Variants in IL3RA observed in about 807,000 individuals in gnomAD.
The protein encoded by IL3RA is interleukin 3 receptor subunit alpha.
A neutral mutation model predicts 52.3 loss-of-function variants in IL3RA; 73 were observed. The ratio of observed to expected loss-of-function variants is 1.40; its 90% CI spans 1.16 to 1.70. IL3RA has a LOEUF of 1.70. Ranked by LOEUF, IL3RA falls within the 40% of genes most tolerant of loss-of-function variation. The probability of loss-of-function intolerance (pLI) is 0.00; values close to 1 mark genes in which losing one functional copy is unlikely to be tolerated. For synonymous variants in IL3RA, 260 were observed against 194.0 expected, an observed-to-expected ratio of 1.34 and a Z score of -2.83; for missense variants, 664 against 504.4, an observed-to-expected ratio of 1.32 and a Z score of -3.03.
intron 6 of IL3RA, among the ~76,000 whole-genome samples, chrX:1,354,181 C>G (rs1166604862): frequency 2.0e-5 from 3 of 152,102 alleles, no homozygotes; most frequent in African/African-American, 4.8e-5. Context: ...ACGGGAGCCC[C>G]CATCATGGGG....
intron 8 of IL3RA, among the ~76,000 whole-genome samples, chrX:1,359,638 A>C (rs748222849): frequency 1.0e-3 from 85 of 85,082 alleles, no homozygotes; most frequent in African/African-American, 3.2e-3. Flanking sequence ...CCCTCTCTCT[A>C]TCTTTCTCTC....
chrX:1,381,250 T>C (rs1430247542), intron 11 of IL3RA, 146 bp downstream of exon 11: 2 of 736,402 alleles, frequency 2.7e-6, no homozygotes, highest in Non-Finnish European at 4.8e-6. Flanking sequence ...AATACAAAAT[T>C]AGCCGGGTGT....
chrX:1,382,405 G>T lies in IL3RA; in HGVS notation c.1077G>T (p.Ala359=), dbSNP rs536850887. The stretch of plus-strand genomic sequence containing the variant: ...CGTCTCTGCAGGTGGTCTGGGAGGC[G>T]GGCAAAGCCGGCCTGGAGGAGTGTC... The part of the protein sequence containing the change: ...FQNDKLVVWE[A]GKAGLEECLV... The change falls in exon 12 of 12, where the codon GCG becomes GCT. Residue 359 remains alanine (A), a synonymous_variant. Transcript: ENST00000331035. 1.4e-5 allele frequency: 23 copies of T among 1,613,736 alleles called. No individual in the cohort carries two copies. The African/African-American group carries it at 2.0e-4, about 14-fold the overall frequency.
chrX:1,381,290 C>T (rs766007433), intron 11 of IL3RA, among the ~76,000 whole-genome samples, 186 bp downstream of exon 11: 122 of 152,114 alleles, frequency 8.0e-4, no homozygotes, highest in African/African-American at 2.8e-3. Context: ...CCCAGCTACT[C>T]GGGAGGCTGA....
At chrX:1,367,864 C>T (rs1164350323) in intron 9 of IL3RA, among the ~76,000 whole-genome samples, 3 of 151,448 alleles carry the variant, frequency 2.0e-5, no homozygotes, top group African/African-American at 2.4e-5. Flanking sequence ...CACTCCTCTC[C>T]TGCAAAGGAG....
chrX:1,338,278 A>C (rs1363183594), intron 1 of IL3RA, among the ~76,000 whole-genome samples: 2 of 151,588 alleles, frequency 1.3e-5, no homozygotes. Flanking sequence ...ATGTCCATCC[A>C]CACAGTGGAA....
At chrX:1,365,094 C>T (rs774125893) in intron 8 of IL3RA, 44 bp from the exon 9 acceptor site, 6 of 1,444,156 alleles carry the variant, frequency 4.2e-6, no homozygotes, top group Non-Finnish European at 4.9e-6. Context: ...GAGTCATGAG[C>T]CACCATACCT....
At chrX:1,338,603 A>G (rs1220263555) in intron 1 of IL3RA, among the ~76,000 whole-genome samples, 1 of 152,242 alleles carries the variant, frequency 6.6e-6, no homozygotes, top group African/African-American at 2.4e-5. Flanking sequence ...TGAGGACATC[A>G]TGCTTCCTGA....
chrX:1,344,069 C>T (rs1281896004), intron 2 of IL3RA, among the ~76,000 whole-genome samples: 9 of 152,032 alleles, frequency 5.9e-5, no homozygotes, highest in African/African-American at 1.7e-4. Context: ...GCTGGGATGA[C>T]GGGCGTGAGC....
At chrX:1,345,265 G>A (rs369243469) in intron 2 of IL3RA, 51 bp from the exon 3 acceptor site, 55 of 1,287,702 alleles carry the variant, frequency 4.3e-5, no homozygotes, top group East Asian at 9.4e-5. Context: ...TTACAATGCC[G>A]TTTTAAGATT....
intron 4 of IL3RA, 98 bp downstream of exon 4, chrX:1,348,643 T>G: frequency 3.6e-6 from 2 of 554,066 alleles, no homozygotes; most frequent in East Asian, 5.9e-5. Flanking sequence ...CTTTTCTTTT[T>G]CTCTTTCTTT....
At chrX:1,364,175 G>A (rs187170667) in intron 8 of IL3RA, among the ~76,000 whole-genome samples, 3,230 of 142,114 alleles carry the variant, frequency 0.023, 92 homozygotes, top group East Asian at 0.17. Context: ...GGGACAGAGT[G>A]AGACTCCATC....
At chrX:1,346,313 C>A (rs1167237674) in intron 3 of IL3RA, among the ~76,000 whole-genome samples, 1 of 151,770 alleles carries the variant, frequency 6.6e-6, no homozygotes, top group Non-Finnish European at 1.5e-5. Flanking sequence ...GTGGTGGGCG[C>A]CTGTAATCCC....
chrX:1,358,654 G>T lies in IL3RA; in HGVS notation c.733-207G>T, dbSNP rs772018130. Among the ~76,000 whole-genome samples, 12 of 152,196 alleles carry T rather than the reference G, an allele frequency of 7.9e-5. No homozygotes were observed. The South Asian group carries it at 2.5e-3, about 32-fold the overall frequency. On this transcript the variant is annotated intron_variant, in intron 7 of 11. Coordinates refer to ENST00000331035, the MANE Select transcript of IL3RA (RefSeq NM_002183.4). ...AGCCTGGGTGACGGAGTGAGACTCC[G>T]TCTCATAAATAAATAAACAAACAAA...
intron 10 of IL3RA, 92 bp downstream of exon 10, chrX:1,378,856 T>G: frequency 6.6e-6 from 8 of 1,207,838 alleles, no homozygotes; most frequent in Non-Finnish European, 9.6e-6. Context: ...ATCATTATTA[T>G]TTTTGTGATG....
chrX:1,351,925 C>G (rs2086104050), intron 4 of IL3RA, among the ~76,000 whole-genome samples, 175 bp from the exon 5 acceptor site: 1 of 151,730 alleles, frequency 6.6e-6, no homozygotes, highest in Non-Finnish European at 1.5e-5. Context: ...CCACCAGACA[C>G]AGCTAATTTT....
intron 11 of IL3RA, 41 bp from the exon 12 acceptor site, chrX:1,382,349 TG>T (rs113296760): frequency 4.6e-6 from 7 of 1,523,486 alleles, no homozygotes; most frequent in Non-Finnish European, 6.3e-6. Flanking sequence ...CTCTGTTATC[TG>T]GGGGGTGGCC....
At chrX:1,339,271 C>G (rs753164104) in intron 1 of IL3RA, among the ~76,000 whole-genome samples, 2 of 152,324 alleles carry the variant, frequency 1.3e-5, no homozygotes, top group South Asian at 4.1e-4. Flanking sequence ...AACACAGGCT[C>G]TGTCCGAAAG....
intron 2 of IL3RA, 83 bp from the exon 3 acceptor site, chrX:1,345,233 C>CAAA (rs112995756): frequency 0.049 from 32,569 of 669,634 alleles, 97 homozygotes; most frequent in South Asian, 0.058. Context: ...ACTCCACGGG[C>CAAA]AAAAAAAAAA....
Sources: gnomAD v4.1 joint callset for allele counts (sites outside exome capture counted in the v4.1 genomes callset) on GRCh38, gnomAD v4.1.1 for gene constraint, MANE v1.5 for transcripts, NCBI Gene and HGNC (gene_info 2026-07-23, HGNC 2026-07-21) for gene names.